Variants in MAGI2 observed in about 807,000 individuals in gnomAD.
MAGI2 encodes the protein membrane associated guanylate kinase, WW and PDZ domain containing 2, also known as membrane-associated guanylate kinase, WW and PDZ domain-containing protein 2.
In MAGI2, 35 loss-of-function variants were observed where a neutral mutation model predicts 133.3. The observed-to-expected ratio is 0.26, with a 90% CI of 0.20 to 0.35. The LOEUF is 0.35. Among genes scored for constraint, MAGI2 ranks in the 10% least tolerant of loss-of-function variants. The probability of loss-of-function intolerance (pLI) is 1.00; values close to 1 mark genes in which losing one functional copy is unlikely to be tolerated. For missense variants in MAGI2, 1,636 were observed against 1,863.4 expected (o/e 0.88, Z 2.25); for synonymous variants, 729 against 710.6 (o/e 1.03, Z -0.41).
At chr7:78,728,802 T>C (rs1056100680) in intron 2 of MAGI2, among the ~76,000 whole-genome samples, 1 of 125,192 alleles carries the variant, frequency 8.0e-6, no homozygotes, top group African/African-American at 2.8e-5. Context: ...CCTGACCTCG[T>C]GATCCGCCCG....
intron 1 of MAGI2, among the ~76,000 whole-genome samples, chr7:79,421,227 C>T (rs983338222): frequency 2.0e-5 from 3 of 151,868 alleles, no homozygotes; most frequent in Admixed American, 2.0e-4. Context: ...GTTTTGTTTA[C>T]CTATATATTC....
intron 1 of MAGI2, among the ~76,000 whole-genome samples, chr7:79,092,161 G>A (rs958226589): frequency 2.6e-5 from 4 of 152,130 alleles, no homozygotes; most frequent in Non-Finnish European, 5.9e-5. Flanking sequence ...GAAAGAAAAA[G>A]TCAGATTCTA....
chr7:79,241,311 T>C (rs1258767358), intron 1 of MAGI2, among the ~76,000 whole-genome samples: 1 of 152,334 alleles, frequency 6.6e-6, no homozygotes, highest in East Asian at 1.9e-4. Flanking sequence ...AAAAGTCATA[T>C]TAAATATGAT....
At chr7:78,238,891 C>T (rs1019915989) in intron 10 of MAGI2, among the ~76,000 whole-genome samples, 3 of 152,230 alleles carry the variant, frequency 2.0e-5, no homozygotes, top group Non-Finnish European at 4.4e-5. Context: ...TTCCACATTA[C>T]TTGCCTCCCT....
chr7:79,407,297 C>A (rs891111349), intron 1 of MAGI2, among the ~76,000 whole-genome samples: 2 of 152,090 alleles, frequency 1.3e-5, no homozygotes, highest in Admixed American at 1.3e-4. Flanking sequence ...TTAAAGAAAA[C>A]CTTCACATGG....
chr7:78,342,297 A>G (rs1790467905), intron 9 of MAGI2, among the ~76,000 whole-genome samples: 1 of 152,234 alleles, frequency 6.6e-6, no homozygotes, highest in South Asian at 2.1e-4. Flanking sequence ...TTAAAAAGTC[A>G]GGAAACAACA....
At chr7:78,941,352 G>GAATT (rs1554613126) in intron 2 of MAGI2, among the ~76,000 whole-genome samples, 2 of 152,056 alleles carry the variant, frequency 1.3e-5, no homozygotes, top group Non-Finnish European at 2.9e-5. Flanking sequence ...ATTTCTTTTT[G>GAATT]TATTTATTTA....
intron 1 of MAGI2, among the ~76,000 whole-genome samples, chr7:79,406,842 T>C (rs562754997): frequency 7.2e-5 from 11 of 152,282 alleles, no homozygotes; most frequent in Admixed American, 5.2e-4. Context: ...GAAAAGGAAG[T>C]TAAAATTTAA....
At chr7:79,298,106 A>C (rs1434357646) in intron 1 of MAGI2, among the ~76,000 whole-genome samples, 4 of 152,208 alleles carry the variant, frequency 2.6e-5, no homozygotes, top group African/African-American at 9.6e-5. Flanking sequence ...TATATCTAGC[A>C]CATCAACATT....
At chr7:78,145,853 C>T (rs1455666058) in intron 16 of MAGI2, among the ~76,000 whole-genome samples, 1 of 152,062 alleles carries the variant, frequency 6.6e-6, no homozygotes, top group Non-Finnish European at 1.5e-5. Context: ...TATGAGGGCA[C>T]CAATCCCATC....
intron 9 of MAGI2, among the ~76,000 whole-genome samples, chr7:78,266,430 T>G (rs1794010779): frequency 6.6e-6 from 1 of 152,084 alleles, no homozygotes; most frequent in Non-Finnish European, 1.5e-5. Flanking sequence ...CTTGAACTCC[T>G]GGACTCAAGC....
intron 1 of MAGI2, among the ~76,000 whole-genome samples, chr7:79,261,425 G>C (rs1232105459): frequency 6.6e-6 from 1 of 152,102 alleles, no homozygotes; most frequent in African/African-American, 2.4e-5. Context: ...ACATTTAATT[G>C]GTCAAAGCAA....
intron 2 of MAGI2, among the ~76,000 whole-genome samples, chr7:78,963,365 T>C (rs1803023217): frequency 1.3e-5 from 2 of 152,128 alleles, no homozygotes; most frequent in South Asian, 4.1e-4. Flanking sequence ...ATATTTCAAT[T>C]GGAGTAGTAT....
At chr7:78,984,399 A>G (rs1234957514) in intron 2 of MAGI2, among the ~76,000 whole-genome samples, 2 of 151,818 alleles carry the variant, frequency 1.3e-5, no homozygotes, top group Non-Finnish European at 2.9e-5. Flanking sequence ...ACCACAGCCT[A>G]TGTGTCCCTA....
intron 2 of MAGI2, among the ~76,000 whole-genome samples, chr7:78,658,046 T>C (rs976956637): frequency 9.2e-5 from 14 of 152,214 alleles, no homozygotes; most frequent in African/African-American, 2.9e-4. Flanking sequence ...CTGAAGGAGA[T>C]TGTGCAGAAC....
chr7:78,099,635 C>G (rs1189107826), intron 20 of MAGI2, among the ~76,000 whole-genome samples: 1 of 152,166 alleles, frequency 6.6e-6, no homozygotes, highest in African/African-American at 2.4e-5. Flanking sequence ...TCCCCAAACT[C>G]TTATTCCATA....
At chr7:78,632,465 T>C (rs1809122720) in intron 2 of MAGI2, among the ~76,000 whole-genome samples, 1 of 152,288 alleles carries the variant, frequency 6.6e-6, no homozygotes, top group South Asian at 2.1e-4. Flanking sequence ...AGGTGAGTGT[T>C]AGCTAAGTGG....
chr7:78,078,775 C>CGTGTGT, intron 21 of MAGI2, 172 bp downstream of exon 21: 1 of 594,206 alleles, frequency 1.7e-6, no homozygotes, highest in East Asian at 3.0e-5. Context: ...CATAAACATA[C>CGTGTGT]GTGTGTGTGT....
At chr7:78,436,151 T>G (rs1369448188) in intron 6 of MAGI2, among the ~76,000 whole-genome samples, 1 of 152,120 alleles carries the variant, frequency 6.6e-6, no homozygotes, top group East Asian at 1.9e-4. Context: ...AGGGTCAAAC[T>G]GGTCAAGGGG....
Sources: gnomAD v4.1 joint callset for allele counts (sites outside exome capture counted in the v4.1 genomes callset) on GRCh38, gnomAD v4.1.1 for gene constraint, MANE v1.5 for transcripts, NCBI Gene and HGNC (gene_info 2026-07-23, HGNC 2026-07-21) for gene names.